ASB2: variants seen among roughly 807,000 people sequenced by gnomAD.
ASB2 encodes ankyrin repeat and SOCS box containing 2.
In ASB2, 58 loss-of-function variants were observed where a neutral mutation model predicts 62.4. The ratio of observed to expected loss-of-function variants is 0.93; its 90% CI spans 0.75 to 1.16. The LOEUF (loss-of-function observed/expected upper bound fraction) is 1.16. Ranked by LOEUF, ASB2 falls within the 50% of genes most tolerant of loss-of-function variation. The pLI, the probability that ASB2 is intolerant of heterozygous loss-of-function variation, is 0.00. For synonymous variants in ASB2, 386 were observed against 385.3 expected (o/e 1.00, Z -0.02); for missense variants, 928 against 887.9 (o/e 1.05, Z -0.57).
chr14:93,950,525 C>T (rs1170028957), intron 6 of ASB2, among the ~76,000 whole-genome samples: 1 of 152,170 alleles, frequency 6.6e-6, no homozygotes, highest in East Asian at 1.9e-4. Context: ...AGTTCATCAC[C>T]CATAAAAGGG....
chr14:93,942,301 GC>G, intron 7 of ASB2: 1 of 455,910 alleles, frequency 2.2e-6, no homozygotes, highest in Non-Finnish European at 4.4e-6. Context: ...TGGAAGAATG[GC>G]CCCCTACCCC....
In ASB2 at chr14:93,934,329, C is replaced by G. The variant is rs1324109896; in HGVS notation, c.*327G>C. ...AACAAGTGGAGGGGCACAGGGAAGGCTCTGAGCACCACCTTCCCCAGAACA... is the reference window on the plus strand; with the variant it reads ...AACAAGTGGAGGGGCACAGGGAAGGGTCTGAGCACCACCTTCCCCAGAACA... On this transcript the variant is annotated 3_prime_UTR_variant, in exon 10 of 10. Coordinates refer to ENST00000555019, the MANE Select transcript of ASB2 (RefSeq NM_001202429.2). 3 of 453,806 alleles carry G rather than the reference C, an allele frequency of 6.6e-6. No individual in the cohort carries two copies. In the East Asian group the frequency reaches 1.8e-4, roughly 27 times the overall value. The allele number at this position is 453,806 out of a possible 1,614,324, so 28.1% of individuals were successfully genotyped here.
chr14:93,939,668 C>T lies in ASB2; in HGVS notation c.1057G>A (p.Val353Met), dbSNP rs1425799586. ...CTGGTCACCGGCAGCAGCATCTGCA[C>T]GATCCTGCCGGGTCGAGGGGCGGGC... ...IASKKGNYRIVQMLLPVTSRT... is the reference protein window; with the variant it reads ...IASKKGNYRIMQMLLPVTSRT... The change falls in exon 8 of 10, where the codon GTG (valine) becomes ATG (methionine). Residue 353 changes from valine (V) to methionine (M), a missense_variant. Coordinates refer to ENST00000555019, the MANE Select transcript of ASB2 (RefSeq NM_001202429.2). 1 of 1,461,842 alleles carries T rather than the reference C, an allele frequency of 6.8e-7. No homozygotes were observed. The highest frequency in any genetic ancestry group is 9.0e-7 in the Non-Finnish European group (1 of 1,113,996). 90.6% of individuals were successfully genotyped at this position (1,461,842 alleles called of 1,614,324 possible).
At position 93,934,706 on chromosome 14, in the gene ASB2, G is replaced by T. The variant is rs759449226; in HGVS notation, c.1858C>A (p.Pro620Thr). The T allele has an allele frequency of 6.2e-7, 1 of 1,614,110 alleles. No homozygotes were observed. The highest frequency in any genetic ancestry group is 1.1e-5 in the South Asian group (1 of 91,076). ...KYRIKLLDTL[P>T]LPGRLIRYLK... is the part of the protein sequence containing the mutation. ...TATCTAATCAGCCTGCCTGGGAGCG[G>T]CAAGGTGTCTAGGAGTTTTATACGG... Residue 620 changes from proline to threonine, a missense_variant, in exon 10 of 10, where the codon CCG becomes ACG. Coordinates refer to ENST00000555019, the MANE Select transcript of ASB2 (RefSeq NM_001202429.2).
intron 1 of ASB2, among the ~76,000 whole-genome samples, chr14:93,971,647 A>G (rs575662816): frequency 6.6e-5 from 10 of 152,140 alleles, no homozygotes; most frequent in Non-Finnish European, 1.3e-4. Context: ...GAGAATCATA[A>G]CCATAACACC....
rs1174028432 is a variant in ASB2 at position 93,939,204 on chromosome 14, T to G, written c.1521A>C (p.Ser507=). 6.2e-7 allele frequency: 1 copy of G among 1,606,580 alleles called. No individual in the cohort carries two copies. The highest frequency in any genetic ancestry group is 8.5e-7 in the Non-Finnish European group (1 of 1,175,310). ...GGTGCGGGCCGTTGCCGTAGAGGCATGAGAAGCAGGGCTCGCCGTCGCAGC... is the reference window on the plus strand; with the variant it reads ...GGTGCGGGCCGTTGCCGTAGAGGCAGGAGAAGCAGGGCTCGCCGTCGCAGC... The part of the protein sequence containing the change: ...DLGCDGEPCF[S]CLYGNGPHPP... Residue 507 remains serine, a synonymous_variant, in exon 8 of 10, where the codon TCA becomes TCC. Transcript: ENST00000555019.
chr14:93,935,986 G>A (rs755432950), intron 9 of ASB2, among the ~76,000 whole-genome samples: 10 of 152,194 alleles, frequency 6.6e-5, no homozygotes, highest in Non-Finnish European at 1.5e-4. Context: ...TGGCTGAATT[G>A]GAATAATTAA....
intron 3 of ASB2, 146 bp downstream of exon 3, chr14:93,956,620 G>A (rs370213717): frequency 1.5e-4 from 165 of 1,083,306 alleles, no homozygotes; most frequent in Middle Eastern, 3.0e-4. Context: ...CCCCAGGGGG[G>A]CACCCCTAGA....
chr14:93,954,878 C>G (rs1889119613), intron 3 of ASB2, among the ~76,000 whole-genome samples: 1 of 152,206 alleles, frequency 6.6e-6, no homozygotes, highest in South Asian at 2.1e-4. Context: ...CTGGGGTCTT[C>G]CAACTCCTCT....
chr14:93,940,025 T>C (rs189350814), intron 7 of ASB2: 9 of 268,094 alleles, frequency 3.4e-5, no homozygotes, highest in Admixed American at 2.2e-4. Context: ...GCACTAGGGT[T>C]TCAAGAAGCT....
intron 2 of ASB2, among the ~76,000 whole-genome samples, chr14:93,960,052 ATTGAGCAC>A (rs1326104790): frequency 6.6e-6 from 1 of 152,088 alleles, no homozygotes; most frequent in African/African-American, 2.4e-5. Context: ...CATGTGACTC[ATTGAGCAC>A]TTGTTATAAC....
At chr14:93,938,171 A>G (rs1392439666) in intron 8 of ASB2, among the ~76,000 whole-genome samples, 1 of 151,502 alleles carries the variant, frequency 6.6e-6, no homozygotes, top group Admixed American at 6.6e-5. Context: ...AATGATCGCC[A>G]TTAACCATTA....
At chr14:93,942,431 G>A (rs1211603355) in intron 7 of ASB2, among the ~76,000 whole-genome samples, 1 of 152,222 alleles carries the variant, frequency 6.6e-6, no homozygotes, top group Non-Finnish European at 1.5e-5. Context: ...GTGCAGCAGT[G>A]TGGCAGGTGC....
At chr14:93,957,392 C>CATT in intron 2 of ASB2, 1 of 1,016,746 alleles carries the variant, frequency 9.8e-7, no homozygotes, top group Non-Finnish European at 1.2e-6. Flanking sequence ...GATCTTGTCC[C>CATT]AGGGGTAGGA....
At chr14:93,938,733 A>G (rs1888374749) in intron 8 of ASB2, among the ~76,000 whole-genome samples, 1 of 152,134 alleles carries the variant, frequency 6.6e-6, no homozygotes, top group Admixed American at 6.5e-5. Context: ...CCGCTCCATC[A>G]TTGGTTCCTT....
chr14:93,953,311 A>G, intron 5 of ASB2, 41 bp downstream of exon 5: 1 of 1,496,360 alleles, frequency 6.7e-7, no homozygotes, highest in South Asian at 1.3e-5. Flanking sequence ...CAGCTTCTGG[A>G]TTCTTCCGCA....
intron 4 of ASB2, among the ~76,000 whole-genome samples, chr14:93,953,933 G>A (rs1012785620): frequency 4.6e-5 from 7 of 152,220 alleles, no homozygotes; most frequent in African/African-American, 1.7e-4. Context: ...TCAGAGAGGA[G>A]GCACGGCTGT....
chr14:93,968,990 T>C (rs865995761), intron 1 of ASB2, among the ~76,000 whole-genome samples: 1 of 152,378 alleles, frequency 6.6e-6, no homozygotes, highest in South Asian at 2.1e-4. Context: ...TGGACCCACA[T>C]ATCTCTTGCT....
chr14:93,942,142 C>T, intron 7 of ASB2: 1 of 455,216 alleles, frequency 2.2e-6, no homozygotes, highest in South Asian at 1.5e-5. Context: ...GGGCAGAGGA[C>T]AGGAGGACAA....
Sources: allele counts gnomAD v4.1 joint callset (sites outside exome capture counted in the v4.1 genomes callset), GRCh38; gene constraint gnomAD v4.1.1; transcripts MANE v1.5; gene names NCBI Gene and HGNC (gene_info 2026-07-23, HGNC 2026-07-21).